Variants in PIR observed in about 807,000 individuals in gnomAD.
PIR encodes the protein pirin.
PIR carries 22 observed loss-of-function variants against 24.2 expected under a neutral mutation model. That is an observed-to-expected ratio of 0.91 (90% CI 0.65 to 1.30). The LOEUF is 1.30. PIR is among the 50% of genes most tolerant of loss of function. The pLI, the probability that PIR is intolerant of heterozygous loss-of-function variation, is 0.00. For synonymous variants in PIR, 80 were observed against 79.6 expected, an observed-to-expected ratio of 1.00 and a Z score of -0.03; for missense variants, 220 against 220.3, an observed-to-expected ratio of 1.00 and a Z score of 0.01.
intron 2 of PIR, among the ~76,000 whole-genome samples, chrX:15,488,321 A>G (rs530977459): frequency 1.1e-5 from 1 of 95,210 alleles, no homozygotes; most frequent in Non-Finnish European, 2.1e-5. Context: ...AAAAAGAAAA[A>G]GAAAGAAAAG....
intron 6 of PIR, among the ~76,000 whole-genome samples, chrX:15,425,035 A>T (rs748052271): frequency 1.2e-4 from 12 of 96,600 alleles, no homozygotes; most frequent in East Asian, 3.5e-4. Flanking sequence ...AGCCAGAATT[A>T]AAAAAAAAAA....
chrX:15,475,638 A>G (rs185390260), intron 3 of PIR, among the ~76,000 whole-genome samples: 87 of 111,519 alleles, frequency 7.8e-4, no homozygotes, highest in African/African-American at 2.6e-3. Context: ...ATCTATAAGT[A>G]CCTCCTTTTT....
chrX:15,408,912 A>C (rs1178377784), intron 6 of PIR, among the ~76,000 whole-genome samples: 1 of 111,813 alleles, frequency 8.9e-6, no homozygotes, highest in Non-Finnish European at 1.9e-5. Context: ...ATAACTGAGA[A>C]AACATAAATT....
intron 5 of PIR, among the ~76,000 whole-genome samples, chrX:15,440,187 C>T (rs1372910032): frequency 9.0e-6 from 1 of 111,701 alleles, no homozygotes; most frequent in Non-Finnish European, 1.9e-5. Context: ...TTCCAATCTA[C>T]CCACAGTGTA....
intron 7 of PIR, among the ~76,000 whole-genome samples, chrX:15,398,181 G>A (rs893309263): frequency 1.8e-5 from 2 of 110,886 alleles, no homozygotes; most frequent in Non-Finnish European, 3.8e-5. Context: ...CACCAACATG[G>A]CACGTGTATA....
chrX:15,422,801 C>T (rs1478781499), intron 6 of PIR, among the ~76,000 whole-genome samples: 1 of 111,681 alleles, frequency 9.0e-6, no homozygotes, highest in Non-Finnish European at 1.9e-5. Flanking sequence ...AAATGCCAAT[C>T]TCATTCACAG....
At chrX:15,492,801 C>T (rs1923232567) in intron 1 of PIR, among the ~76,000 whole-genome samples, 1 of 112,074 alleles carries the variant, frequency 8.9e-6, no homozygotes, top group South Asian at 3.8e-4. Flanking sequence ...TAAAATGTAT[C>T]CTCCCTGAAT....
intron 2 of PIR, among the ~76,000 whole-genome samples, chrX:15,489,352 A>C (rs950454195): frequency 8.9e-6 from 1 of 112,355 alleles, no homozygotes; most frequent in Admixed American, 9.4e-5. Flanking sequence ...ATTTTATTTT[A>C]TGTATTTTAA....
chrX:15,463,869 A>G (rs1921424011), intron 3 of PIR, among the ~76,000 whole-genome samples: 1 of 112,643 alleles, frequency 8.9e-6, no homozygotes, highest in South Asian at 3.7e-4. Context: ...CATGTTCCAA[A>G]TGGATGAAGG....
Position 15,407,544 on chromosome X carries a change from G to T in PIR, c.572C>A (p.Thr191Lys). The T allele has an allele frequency of 8.3e-7, 1 of 1,198,799 alleles. No individual in the cohort carries two copies. ...TCCAGATATCGTGTAAATGAAGCTT[G>T]TCCACCCTGGAAAGGACCAGCAACA... is the stretch of plus-strand genomic sequence containing the variant. ...KHSQPIPKGW[T>K]SFIYTISGDV... The change falls in exon 7 of 10, where the codon ACA (threonine) becomes AAA (lysine). Residue 191 changes from threonine (T) to lysine (K), a missense_variant. Physicochemically the swap from Thr to Lys is moderately conservative, Grantham distance 78 (BLOSUM62 -1). Coordinates refer to ENST00000380420, the MANE Select transcript of PIR (RefSeq NM_001018109.3).
intron 5 of PIR, among the ~76,000 whole-genome samples, chrX:15,434,457 A>G (rs777471736): frequency 1.8e-5 from 2 of 110,147 alleles, no homozygotes; most frequent in Non-Finnish European, 3.8e-5. Context: ...GAGAAGAAAG[A>G]CAGGGAGAGG....
rs746967349 is a variant in PIR, at chrX:15,426,324, G to A, written c.481-334C>T. ...CACCTCCAGTCTTCCACTTGATATGGCAGGTTATCTCACAACCAAATGTAT... is the reference window on the plus strand; with the variant it reads ...CACCTCCAGTCTTCCACTTGATATGACAGGTTATCTCACAACCAAATGTAT... On this transcript the variant is annotated intron_variant, in intron 5 of 9. Transcript: ENST00000380420. Among the ~76,000 whole-genome samples the A allele has an allele frequency of 4.5e-5, 5 of 111,947 alleles. No individual in the cohort carries two copies. The East Asian group carries it at 1.1e-3, about 25-fold the overall frequency.
chrX:15,455,885 G>A lies in PIR; in HGVS notation c.443C>T (p.Thr148Ile), dbSNP rs776734253. ...GGCTTCTCCAGAAATGACAGCAACTGTCACACCATCCTTACTGGGTTTAGG... is the reference window on the plus strand; with the variant it reads ...GGCTTCTCCAGAAATGACAGCAACTATCACACCATCCTTACTGGGTTTAGG... ...EIPKPSKDGV[T>I]VAVISGEALG... Residue 148 changes from threonine to isoleucine, a missense_variant, in exon 5 of 10, where the codon ACA (threonine) becomes ATA (isoleucine). Thr to Ile is a moderately conservative substitution (Grantham distance 89). Coordinates refer to ENST00000380420, the MANE Select transcript of PIR (RefSeq NM_001018109.3). The A allele has an allele frequency of 3.3e-6, 4 of 1,209,081 alleles. No individual in the cohort carries two copies. The highest frequency in any genetic ancestry group is 1.7e-5 in the African/African-American group (1 of 57,227).
intron 1 of PIR, among the ~76,000 whole-genome samples, 186 bp from the exon 2 acceptor site, chrX:15,491,495 A>G (rs1453977751): frequency 8.9e-6 from 1 of 111,999 alleles, no homozygotes; most frequent in Non-Finnish European, 1.9e-5. Context: ...ATGTATGCAT[A>G]CCTACTAGGT....
At chrX:15,427,428 G>A (rs1392622214) in intron 5 of PIR, among the ~76,000 whole-genome samples, 5 of 110,603 alleles carry the variant, frequency 4.5e-5, no homozygotes, top group Admixed American at 9.7e-5. Context: ...AGAGAATCTG[G>A]AGCCCAGAAT....
At chrX:15,398,522 G>T (rs1421703266) in intron 7 of PIR, among the ~76,000 whole-genome samples, 1 of 111,102 alleles carries the variant, frequency 9.0e-6, no homozygotes. Context: ...GGGCATTCTA[G>T]ACAAGAGAAA....
At chrX:15,464,564 G>A (rs1440228902) in intron 3 of PIR, 2 of 293,252 alleles carry the variant, frequency 6.8e-6, no homozygotes, top group African/African-American at 2.9e-5. Flanking sequence ...TTACATGTAG[G>A]ACAATGCAGC....
intron 7 of PIR, among the ~76,000 whole-genome samples, chrX:15,404,768 A>G (rs1188294855): frequency 9.0e-6 from 1 of 111,148 alleles, no homozygotes; most frequent in East Asian, 2.8e-4. Context: ...CCGCCCCCCC[A>G]TTAGGGTGTT....
intron 9 of PIR, among the ~76,000 whole-genome samples, chrX:15,387,486 CT>C (rs1923813477): frequency 9.0e-6 from 1 of 110,919 alleles, no homozygotes; most frequent in African/African-American, 3.3e-5. Context: ...AACTATGGAT[CT>C]GGAGCTCATG....
Sources: allele counts gnomAD v4.1 joint callset (sites outside exome capture counted in the v4.1 genomes callset), GRCh38; gene constraint gnomAD v4.1.1; transcripts MANE v1.5; gene names NCBI Gene and HGNC (gene_info 2026-07-23, HGNC 2026-07-21).